The following TLCD4 variants were observed in gnomAD, a reference collection of about 807,000 sequenced individuals.
TLCD4 encodes TLC domain-containing protein 4.
A neutral mutation model predicts 24.2 loss-of-function variants in TLCD4; 7 were observed. The observed-to-expected ratio is 0.29, with a 90% CI of 0.16 to 0.54. The LOEUF (loss-of-function observed/expected upper bound fraction) is 0.54. Among genes scored for constraint, TLCD4 ranks in the 20% least tolerant of loss-of-function variants. The probability of loss-of-function intolerance (pLI) is 0.95; values close to 1 mark genes in which losing one functional copy is unlikely to be tolerated. For synonymous variants in TLCD4, 103 were observed against 106.4 expected (o/e 0.97, Z 0.20); for missense variants, 259 against 313.9 (o/e 0.82, Z 1.32).
At chr1:95,164,588 G>A (rs1481229339) in intron 5 of TLCD4, 1 of 152,230 alleles carries the variant, frequency 6.6e-6, no homozygotes, top group Non-Finnish European at 1.5e-5. Flanking sequence ...CATACTGGGA[G>A]CTGTAGACTG....
At chr1:95,142,539 GGGAGTT>G (rs1370357625) in intron 1 of TLCD4, among the ~76,000 whole-genome samples, 3 of 152,140 alleles carry the variant, frequency 2.0e-5, no homozygotes, top group Non-Finnish European at 4.4e-5. Flanking sequence ...TCCACAGGGT[GGGAGTT>G]GGTCCTACCA....
chr1:95,136,989 T>G (rs2100925416), intron 1 of TLCD4, among the ~76,000 whole-genome samples: 1 of 151,924 alleles, frequency 6.6e-6, no homozygotes, highest in Non-Finnish European at 1.5e-5. Flanking sequence ...TGGCTGACCA[T>G]TCAGGGCTGG....
chr1:95,151,268 G>C, intron 4 of TLCD4, 57 bp from the exon 5 acceptor site: 1 of 1,574,292 alleles, frequency 6.4e-7, no homozygotes, highest in East Asian at 2.2e-5. Context: ...CAATACATTT[G>C]AAAAACAGTG....
chr1:95,166,070 A>T (rs369155016), intron 5 of TLCD4, among the ~76,000 whole-genome samples: 7 of 152,246 alleles, frequency 4.6e-5, no homozygotes, highest in African/African-American at 1.7e-4. Flanking sequence ...TGTGAGGATC[A>T]GAAGTAGGAC....
At chr1:95,179,364 C>T (rs1287007655) in intron 6 of TLCD4, among the ~76,000 whole-genome samples, 1 of 152,172 alleles carries the variant, frequency 6.6e-6, no homozygotes, top group African/African-American at 2.4e-5. Flanking sequence ...ATGGGCCAGA[C>T]CCGCTGCCTG....
intron 6 of TLCD4, 149 bp downstream of exon 6, chr1:95,174,038 G>A: frequency 2.4e-6 from 3 of 1,236,962 alleles, no homozygotes; most frequent in Non-Finnish European, 3.3e-6. Flanking sequence ...TGAGGAAAGT[G>A]AGTTTTGGAA....
At chr1:95,141,860 A>G (rs1220430823) in intron 1 of TLCD4, among the ~76,000 whole-genome samples, 1 of 145,364 alleles carries the variant, frequency 6.9e-6, no homozygotes, top group Non-Finnish European at 1.5e-5. Context: ...TTCATTATAG[A>G]CATATGAATT....
At chr1:95,191,475 T>G (rs1293033162) in intron 6 of TLCD4, 75 bp from the exon 7 acceptor site, 3 of 1,514,294 alleles carry the variant, frequency 2.0e-6, no homozygotes, top group East Asian at 2.3e-5. Context: ...ATTTTAAAAT[T>G]TAAAAACTAA....
the TLCD4 span, among the ~76,000 whole-genome samples, chr1:95,111,138 A>T: frequency 0.18 from 7,829 of 42,826 alleles, 272 homozygotes; most frequent in East Asian, 0.34. Context: ...TAAAATAAAA[A>T]AAAAAAAAGA....
chr1:95,139,339 TA>T (rs1278933511), intron 1 of TLCD4, among the ~76,000 whole-genome samples: 3 of 152,000 alleles, frequency 2.0e-5, no homozygotes, highest in African/African-American at 7.2e-5. Flanking sequence ...CTGTAGGCTT[TA>T]TAAACACTGT....
intron 1 of TLCD4, among the ~76,000 whole-genome samples, chr1:95,141,676 C>T (rs917790456): frequency 3.3e-5 from 5 of 151,718 alleles, no homozygotes; most frequent in African/African-American, 1.2e-4. Flanking sequence ...GCTAAAAGAC[C>T]ACAAATTAAA....
Position 95,191,705 on chromosome 1 carries a change from G to A in TLCD4, c.629G>A (p.Arg210Lys), listed in dbSNP as rs1679036084. 1.2e-6 allele frequency: 2 copies of A among 1,614,104 alleles called. No individual in the cohort carries two copies. Among genetic ancestry groups the A allele is most frequent in the East Asian group, 4.5e-5 (2 of 44,854 alleles). ...YSVYGTEPYI[R>K]LGVLIQLSWV... ...GTGTATGGAACAGAACCCTACATAA[G>A]GCTTGGAGTTTTAATCCAGTTATCC... The change falls in exon 7 of 7, where the codon AGG becomes AAG. Residue 210 changes from arginine to lysine, a missense_variant. Transcript: ENST00000370203.
chr1:95,110,057 C>T, the TLCD4 span, among the ~76,000 whole-genome samples: 1 of 145,934 alleles, frequency 6.9e-6, no homozygotes, highest in Admixed American at 6.9e-5. Flanking sequence ...TTTGGGTATA[C>T]ATATACACGT....
At chr1:95,164,925 C>G (rs1323442045) in intron 5 of TLCD4, 1 of 151,958 alleles carries the variant, frequency 6.6e-6, no homozygotes, top group Admixed American at 6.6e-5. Flanking sequence ...CTTTTTTCCC[C>G]CCATCATTTG....
At chr1:95,144,106 A>G in intron 2 of TLCD4, 50 bp downstream of exon 2, 2 of 1,302,908 alleles carry the variant, frequency 1.5e-6, no homozygotes, top group Non-Finnish European at 2.0e-6. Flanking sequence ...TTTATGAGAT[A>G]AAATTATTTA....
At chr1:95,126,632 G>T (rs1676743680) in intron 1 of TLCD4, among the ~76,000 whole-genome samples, 1 of 152,166 alleles carries the variant, frequency 6.6e-6, no homozygotes, top group African/African-American at 2.4e-5. Context: ...TAAAGGGTTA[G>T]CTGGGCTGAA....
chr1:95,168,309 ACTGT>A (rs373623703), intron 5 of TLCD4, among the ~76,000 whole-genome samples: 252 of 152,156 alleles, frequency 1.7e-3, no homozygotes, highest in African/African-American at 5.9e-3. Context: ...AAGTGTGCTC[ACTGT>A]CTGCTTCTAG....
At chr1:95,158,494 C>CATTTATTTATTT (rs71097251) in intron 5 of TLCD4, among the ~76,000 whole-genome samples, 37 of 150,524 alleles carry the variant, frequency 2.5e-4, no homozygotes, top group Non-Finnish European at 1.3e-4. Context: ...CTTGATACTT[C>CATTTATTTATTT]ATTTATTTAT....
chr1:95,138,319 G>A (rs1190454156), intron 1 of TLCD4: 2 of 152,148 alleles, frequency 1.3e-5, no homozygotes, highest in Non-Finnish European at 1.5e-5. Flanking sequence ...TGGATGGACT[G>A]TTTTTTGATG....
Sources: allele counts gnomAD v4.1 joint callset (sites outside exome capture counted in the v4.1 genomes callset), GRCh38; gene constraint gnomAD v4.1.1; transcripts MANE v1.5; gene names NCBI Gene and HGNC (gene_info 2026-07-23, HGNC 2026-07-21).